Variants in AKAP6 observed in about 807,000 individuals in gnomAD.
AKAP6 encodes A-kinase anchoring protein 6.
Under a neutral mutation model 188.5 loss-of-function variants are expected in AKAP6, and 58 were observed. The ratio of observed to expected loss-of-function variants is 0.31; its 90% CI spans 0.25 to 0.38. AKAP6 has a LOEUF of 0.38. Ranked by LOEUF, AKAP6 falls within the 10% of genes least tolerant of loss-of-function variation. The probability of loss-of-function intolerance (pLI) is 1.00; values close to 1 mark genes in which losing one functional copy is unlikely to be tolerated. For missense variants in AKAP6, 2,710 were observed against 2,740.0 expected, an observed-to-expected ratio of 0.99 and a Z score of 0.24; for synonymous variants, 989 against 998.6, an observed-to-expected ratio of 0.99 and a Z score of 0.18.
intron 1 of AKAP6, among the ~76,000 whole-genome samples, chr14:32,400,308 T>C (rs1382195442): frequency 6.6e-6 from 1 of 151,576 alleles, no homozygotes; most frequent in Non-Finnish European, 1.5e-5. Flanking sequence ...GAATCTCAGT[T>C]TTATCACCCT....
chr14:32,799,981 G>T (rs2033886987), intron 12 of AKAP6, among the ~76,000 whole-genome samples: 1 of 150,660 alleles, frequency 6.6e-6, no homozygotes, highest in Admixed American at 6.6e-5. Context: ...AGGCCGAGGT[G>T]GGCGGACTGC....
intron 2 of AKAP6, among the ~76,000 whole-genome samples, chr14:32,490,506 C>G (rs1451092286): frequency 1.3e-5 from 2 of 152,122 alleles, no homozygotes; most frequent in Non-Finnish European, 2.9e-5. Context: ...CCAAATTCAT[C>G]TTACGAGGAC....
intron 1 of AKAP6, among the ~76,000 whole-genome samples, chr14:32,421,369 CT>C (rs1483927701): frequency 6.6e-6 from 1 of 151,412 alleles, no homozygotes; most frequent in Non-Finnish European, 1.5e-5. Context: ...ATCTATTTAC[CT>C]TTTTACTTTA....
At chr14:32,366,073 G>A (rs1158904422) in intron 1 of AKAP6, among the ~76,000 whole-genome samples, 1 of 151,926 alleles carries the variant, frequency 6.6e-6, no homozygotes, top group Non-Finnish European at 1.5e-5. Flanking sequence ...AAACATATAA[G>A]CAAAACCACA....
intron 10 of AKAP6, among the ~76,000 whole-genome samples, chr14:32,734,790 C>T (rs2031337279): frequency 6.6e-6 from 1 of 152,120 alleles, no homozygotes; most frequent in South Asian, 2.1e-4. Context: ...ATACTATTTA[C>T]AGAACACTAC....
intron 7 of AKAP6, among the ~76,000 whole-genome samples, chr14:32,642,617 C>T (rs755369415): frequency 6.6e-6 from 1 of 152,070 alleles, no homozygotes; most frequent in Non-Finnish European, 1.5e-5. Context: ...TAGTCTGTTT[C>T]GTTCATTCAC....
chr14:32,776,954 C>T (rs1566703758), intron 12 of AKAP6, among the ~76,000 whole-genome samples: 1 of 152,262 alleles, frequency 6.6e-6, no homozygotes, highest in South Asian at 2.1e-4. Flanking sequence ...AAGTACTCAG[C>T]AGAAGGAACC....
At chr14:32,461,314 C>A (rs886344433) in intron 2 of AKAP6, among the ~76,000 whole-genome samples, 4 of 152,184 alleles carry the variant, frequency 2.6e-5, no homozygotes, top group African/African-American at 9.6e-5. Context: ...AAAGACACCT[C>A]ATTCAGGAGA....
chr14:32,522,723 C>T (rs545919291), intron 2 of AKAP6, among the ~76,000 whole-genome samples: 59 of 152,248 alleles, frequency 3.9e-4, no homozygotes, highest in Admixed American at 5.9e-4. Context: ...GAAATAGGAA[C>T]ATTTTTATAC....
chr14:32,690,998 C>A lies in AKAP6; in HGVS notation c.2880-4992C>A, dbSNP rs140073977. Among the ~76,000 whole-genome samples, 969 of 152,226 alleles carry A rather than the reference C, an allele frequency of 6.4e-3. 5 individuals are homozygous for A. Among genetic ancestry groups the A allele is most frequent in the African/African-American group, 0.018 (727 of 41,524 alleles). ...AATGTAACATATTCATAGAGTATTA[C>A]AATGGTATCCTAACAGGCCTTTTAA... On this transcript the variant is annotated intron_variant, in intron 8 of 13. Transcript: ENST00000280979.
intron 3 of AKAP6, 118 bp downstream of exon 3, chr14:32,535,923 G>A (rs1882654194): frequency 3.5e-6 from 5 of 1,423,580 alleles, no homozygotes; most frequent in Non-Finnish European, 4.7e-6. Flanking sequence ...GCCCTGATGG[G>A]CTTTGAATCT....
At chr14:32,776,385 T>G (rs1006494925) in intron 12 of AKAP6, among the ~76,000 whole-genome samples, 6 of 152,204 alleles carry the variant, frequency 3.9e-5, no homozygotes, top group Non-Finnish European at 7.3e-5. Flanking sequence ...GTTGTCATTC[T>G]CTCTTGTCTG....
chr14:32,660,849 T>C (rs1397648825), intron 7 of AKAP6, among the ~76,000 whole-genome samples: 1 of 151,850 alleles, frequency 6.6e-6, no homozygotes, highest in African/African-American at 2.4e-5. Context: ...TACTATCTTA[T>C]GGCTTTTCTG....
intron 12 of AKAP6, among the ~76,000 whole-genome samples, chr14:32,783,919 C>T (rs904273655): frequency 6.6e-6 from 1 of 152,098 alleles, no homozygotes; most frequent in African/African-American, 2.4e-5. Flanking sequence ...ATGCAGCCAC[C>T]TTTAAATCAA....
intron 1 of AKAP6, among the ~76,000 whole-genome samples, chr14:32,332,380 T>C (rs968982321): frequency 1.3e-5 from 2 of 152,050 alleles, no homozygotes; most frequent in Admixed American, 6.6e-5. Flanking sequence ...TTTGCAACAC[T>C]AAGGTTGATT....
chr14:32,823,093 C>A lies in AKAP6; in HGVS notation c.5280C>A (p.Thr1760=). The A allele has an allele frequency of 1.2e-6, 2 of 1,613,774 alleles. No homozygotes were observed. The highest frequency in any genetic ancestry group is 1.7e-6 in the Non-Finnish European group (2 of 1,179,884). ...EDDSDLLSSS[T]LTLTEEELCI... ...ACAGCGACCTGCTCTCCAGCTCTACCCTTACCTTGACTGAAGAAGAGCTGT... is the reference window on the plus strand; with the variant it reads ...ACAGCGACCTGCTCTCCAGCTCTACACTTACCTTGACTGAAGAAGAGCTGT... Residue 1760 remains threonine (T), a synonymous_variant, in exon 13 of 14, where the codon ACC becomes ACA. Transcript: ENST00000280979.
chr14:32,631,976 C>T (rs1189277460), intron 7 of AKAP6, among the ~76,000 whole-genome samples: 2 of 151,958 alleles, frequency 1.3e-5, no homozygotes, highest in Non-Finnish European at 2.9e-5. Flanking sequence ...AGAAGATGGA[C>T]GTGAGACAAC....
intron 4 of AKAP6, among the ~76,000 whole-genome samples, chr14:32,573,181 C>T (rs1309112300): frequency 6.6e-6 from 1 of 152,154 alleles, no homozygotes; most frequent in Non-Finnish European, 1.5e-5. Flanking sequence ...AGACACTGAA[C>T]AGATACAGCA....
chr14:32,369,442 A>G (rs1217465838), intron 1 of AKAP6, among the ~76,000 whole-genome samples: 1 of 152,254 alleles, frequency 6.6e-6, no homozygotes, highest in Non-Finnish European at 1.5e-5. Flanking sequence ...TTAGATAGGT[A>G]TACATATGGA....
Sources: gnomAD v4.1 joint callset for allele counts (sites outside exome capture counted in the v4.1 genomes callset) on GRCh38, gnomAD v4.1.1 for gene constraint, MANE v1.5 for transcripts, NCBI Gene and HGNC (gene_info 2026-07-23, HGNC 2026-07-21) for gene names.